The following BLOC1S6 variants were observed in gnomAD, a reference collection of about 807,000 sequenced individuals.
The protein encoded by BLOC1S6 is biogenesis of lysosome-related organelles complex 1 subunit 6.
BLOC1S6 carries 24 observed loss-of-function variants against 24.7 expected under a neutral mutation model. The ratio of observed to expected loss-of-function variants is 0.97; its 90% CI spans 0.70 to 1.37. The LOEUF (loss-of-function observed/expected upper bound fraction) is 1.37. Ranked by LOEUF, BLOC1S6 falls within the 40% of genes most tolerant of loss-of-function variation. The pLI, the probability that BLOC1S6 is intolerant of heterozygous loss-of-function variation, is 0.00. For missense variants in BLOC1S6, 175 were observed against 196.2 expected, an observed-to-expected ratio of 0.89 and a Z score of 0.64; for synonymous variants, 76 against 72.6, an observed-to-expected ratio of 1.05 and a Z score of -0.23.
chr15:45,589,487 T>C lies in BLOC1S6; in HGVS notation c.82+1962T>C, dbSNP rs1377319059. ...CCATTCTTTGAGCCTTAGCTCAGTG[T>C]CCACACTTCCTTTAGGAATTTTTCT... On this transcript the variant is annotated intron_variant, in intron 1 of 4. Coordinates refer to ENST00000220531, the MANE Select transcript of BLOC1S6 (RefSeq NM_012388.4). Among the ~76,000 whole-genome samples the C allele has an allele frequency of 3.3e-5, 5 of 152,242 alleles. No homozygotes were observed. The East Asian group carries it at 9.6e-4, about 29-fold the overall frequency.
chr15:45,603,817 G>A (rs1003899113), intron 3 of BLOC1S6, among the ~76,000 whole-genome samples: 2 of 151,922 alleles, frequency 1.3e-5, no homozygotes, highest in South Asian at 2.1e-4. Context: ...CAATTACATG[G>A]TTTCTTAAAT....
intron 2 of BLOC1S6, chr15:45,602,287 CTTTT>C: frequency 1.9e-6 from 1 of 523,598 alleles, no homozygotes; most frequent in Non-Finnish European, 3.4e-6. Context: ...GTTGTTATTT[CTTTT>C]TTTTTTTTAT....
In BLOC1S6 at chr15:45,608,346, C is replaced by T. The variant is rs1473219447; in HGVS notation, c.*1832C>T. ...TGTTGCCCTCAAACACTTGCTAAAA[C>T]TGCCTAGGGCAGGATTCATTAGGGC... On this transcript the variant is annotated 3_prime_UTR_variant, in exon 5 of 5. Transcript: ENST00000220531. 1.3e-5 allele frequency: 2 copies of T among 152,204 alleles called. No homozygotes were observed. The highest frequency in any genetic ancestry group is 2.9e-5 in the Non-Finnish European group (2 of 68,040). The allele number at this position is 152,204 out of a possible 1,614,324, so 9.4% of individuals were successfully genotyped here.
At chr15:45,595,486 C>T (rs8027324) in intron 2 of BLOC1S6, among the ~76,000 whole-genome samples, 14,680 of 152,056 alleles carry the variant, frequency 0.097, 2,432 homozygotes, top group African/African-American at 0.34. Context: ...GATTGTTTTT[C>T]TTATTGTTGA....
At chr15:45,604,824 A>G (rs1479722441) in intron 3 of BLOC1S6, among the ~76,000 whole-genome samples, 6 of 152,186 alleles carry the variant, frequency 3.9e-5, no homozygotes, top group South Asian at 2.1e-4. Flanking sequence ...TTCTCCTGAC[A>G]TAAGACTTCA....
intron 2 of BLOC1S6, among the ~76,000 whole-genome samples, chr15:45,592,569 T>C (rs1218377287): frequency 6.6e-6 from 1 of 152,204 alleles, no homozygotes; most frequent in Non-Finnish European, 1.5e-5. Context: ...GTATTGCCTA[T>C]TGGGGATTGT....
intron 3 of BLOC1S6, among the ~76,000 whole-genome samples, chr15:45,604,824 A>C (rs1479722441): frequency 1.3e-5 from 2 of 152,186 alleles, no homozygotes; most frequent in Non-Finnish European, 2.9e-5. Context: ...TTCTCCTGAC[A>C]TAAGACTTCA....
chr15:45,591,570 C>T (rs997449406), intron 1 of BLOC1S6, among the ~76,000 whole-genome samples: 3 of 152,102 alleles, frequency 2.0e-5, no homozygotes, highest in African/African-American at 7.2e-5. Flanking sequence ...ATAGCTGGGA[C>T]CACAGGTGTG....
chr15:45,597,211 T>C (rs554223788), intron 2 of BLOC1S6, among the ~76,000 whole-genome samples: 6 of 152,284 alleles, frequency 3.9e-5, no homozygotes, highest in Non-Finnish European at 8.8e-5. Flanking sequence ...GTGTGGTGGT[T>C]GATGCTGGTA....
chr15:45,590,011 T>C (rs1253694092), intron 1 of BLOC1S6, among the ~76,000 whole-genome samples: 2 of 152,332 alleles, frequency 1.3e-5, no homozygotes, highest in African/African-American at 4.8e-5. Flanking sequence ...GGGGTGTTCC[T>C]ATCATAAAAC....
At chr15:45,593,644 T>C (rs1893966156) in intron 2 of BLOC1S6, among the ~76,000 whole-genome samples, 1 of 152,154 alleles carries the variant, frequency 6.6e-6, no homozygotes, top group Non-Finnish European at 1.5e-5. Flanking sequence ...GGGAATCAAG[T>C]TTTAATTGCA....
At chr15:45,592,356 G>C in intron 2 of BLOC1S6, 80 bp downstream of exon 2, 1 of 1,527,406 alleles carries the variant, frequency 6.5e-7, no homozygotes. Context: ...ACTGTGTTAA[G>C]ACATAATATT....
intron 4 of BLOC1S6, 74 bp from the exon 5 acceptor site, chr15:45,606,321 T>G: frequency 6.3e-7 from 1 of 1,574,994 alleles, no homozygotes; most frequent in South Asian, 1.1e-5. Context: ...AGCAGAGCAC[T>G]GTTATTTTCA....
intron 1 of BLOC1S6, among the ~76,000 whole-genome samples, chr15:45,589,700 T>C (rs1893812766): frequency 6.6e-6 from 1 of 152,234 alleles, no homozygotes; most frequent in Non-Finnish European, 1.5e-5. Flanking sequence ...CAGCAAACCT[T>C]TCTCGTATGA....
At position 45,603,194 on chromosome 15, in the gene BLOC1S6, A is replaced by G. The variant is rs1420592047; in HGVS notation, c.312+7A>G. 12 of 1,543,660 alleles carry G rather than the reference A, an allele frequency of 7.8e-6. No individual in the cohort carries two copies. The highest frequency in any genetic ancestry group is 1.1e-5 in the Non-Finnish European group (12 of 1,117,984). On this transcript the variant is annotated splice_region_variant and intron_variant, in intron 3 of 4. Transcript: ENST00000220531. The stretch of plus-strand genomic sequence containing the variant: ...GTTGGATATTAATGCTTTGGTAAGT[A>G]TGATTTAGTTGATGTAATTTAATGA...
At position 45,607,664 on chromosome 15, in the gene BLOC1S6, T is replaced by C. The variant is rs928411906; in HGVS notation, c.*1150T>C. ...GGCGTGCGCCTGTAGTCCCAGCTAC[T>C]TGGGAGGCTGAGGCAGGAGAATTGC... On this transcript the variant is annotated 3_prime_UTR_variant, in exon 5 of 5. Transcript: ENST00000220531. 6.6e-6 allele frequency: 1 copy of C among 152,282 alleles called. No individual in the cohort carries two copies. The highest frequency in any genetic ancestry group is 2.4e-5 in the African/African-American group (1 of 41,430). 9.4% of individuals were successfully genotyped at this position (152,282 alleles called of 1,614,324 possible).
At chr15:45,596,144 A>G (rs1452567629) in intron 2 of BLOC1S6, among the ~76,000 whole-genome samples, 3 of 151,782 alleles carry the variant, frequency 2.0e-5, no homozygotes, top group African/African-American at 7.2e-5. Flanking sequence ...GTCTGTGTCT[A>G]TTAATAGATG....
intron 2 of BLOC1S6, chr15:45,599,354 A>G (rs1894186744): frequency 4.1e-5 from 2 of 49,004 alleles, no homozygotes; most frequent in African/African-American, 1.5e-4. Context: ...TAAACTAAAG[A>G]GCTTCTGCAC....
chr15:45,605,325 C>A, intron 3 of BLOC1S6, 103 bp from the exon 4 acceptor site: 1 of 895,272 alleles, frequency 1.1e-6, no homozygotes, highest in Non-Finnish European at 1.7e-6. Flanking sequence ...AAATTTTGAC[C>A]AATTTAGGAA....
Sources: gnomAD v4.1 joint callset for allele counts (sites outside exome capture counted in the v4.1 genomes callset) on GRCh38, gnomAD v4.1.1 for gene constraint, MANE v1.5 for transcripts, NCBI Gene and HGNC (gene_info 2026-07-23, HGNC 2026-07-21) for gene names.